The following ARHGAP26 variants were observed in gnomAD, a reference collection of about 807,000 sequenced individuals.
The protein encoded by ARHGAP26 is Rho GTPase activating protein 26, also known as rho GTPase-activating protein 26.
ARHGAP26 carries 38 observed loss-of-function variants against 104.8 expected under a neutral mutation model. That is an observed-to-expected ratio of 0.36 (90% confidence interval 0.28 to 0.48). ARHGAP26 has a LOEUF of 0.48. Among genes scored for constraint, ARHGAP26 ranks in the 20% least tolerant of loss-of-function variants. The pLI is 0.99. For synonymous variants in ARHGAP26, 341 were observed against 340.0 expected (o/e 1.00, Z -0.03); for missense variants, 704 against 947.9 (o/e 0.74, Z 3.38).
At chr5:142,869,633 T>G (rs1754976551) in intron 1 of ARHGAP26, among the ~76,000 whole-genome samples, 2 of 152,196 alleles carry the variant, frequency 1.3e-5, no homozygotes, top group Admixed American at 1.3e-4. Flanking sequence ...AGTCCATGTT[T>G]GTGTGTGCAC....
intron 6 of ARHGAP26, among the ~76,000 whole-genome samples, chr5:142,895,812 G>A (rs1759400332): frequency 1.3e-5 from 2 of 152,108 alleles, no homozygotes; most frequent in African/African-American, 4.8e-5. Flanking sequence ...GGGCAACATA[G>A]TGAGACTCCA....
intron 18 of ARHGAP26, among the ~76,000 whole-genome samples, chr5:143,131,235 A>T (rs1469235367): frequency 6.6e-6 from 1 of 152,208 alleles, no homozygotes; most frequent in Admixed American, 6.5e-5. Context: ...GTCTAAAGCC[A>T]TGGTCCTTCC....
intron 12 of ARHGAP26, among the ~76,000 whole-genome samples, chr5:143,024,664 A>G (rs148589516): frequency 4.7e-4 from 71 of 152,204 alleles, no homozygotes; most frequent in African/African-American, 1.6e-3. Flanking sequence ...GATATACGTT[A>G]TGTCATTTGA....
At chr5:143,163,210 G>A (rs538050189) in intron 20 of ARHGAP26, among the ~76,000 whole-genome samples, 2 of 152,180 alleles carry the variant, frequency 1.3e-5, no homozygotes, top group East Asian at 1.9e-4. Context: ...TCAGATCTAC[G>A]TATGTGGGGG....
intron 1 of ARHGAP26, among the ~76,000 whole-genome samples, chr5:142,813,498 TA>T (rs754235118): frequency 7.2e-5 from 11 of 152,204 alleles, no homozygotes; most frequent in Non-Finnish European, 1.2e-4. Flanking sequence ...ATTAATCTTC[TA>T]GGGCTACCAT....
Position 142,825,140 on chromosome 5 carries a change from A to T in ARHGAP26, c.155-48260A>T, listed in dbSNP as rs1026477699. On this transcript the variant is annotated intron_variant, in intron 1 of 22. Coordinates refer to ENST00000645722, the MANE Select transcript of ARHGAP26 (RefSeq NM_001135608.3). Reference sequence around the variant, plus strand: ...GTTCTCTTGCTGTGCGATCTTGGGCATAATAACAGTGCCTCCTTTACAGGA... The same window carrying T: ...GTTCTCTTGCTGTGCGATCTTGGGCTTAATAACAGTGCCTCCTTTACAGGA... 2.6e-5 allele frequency among the ~76,000 whole-genome samples: 4 copies of T among 152,360 alleles called. No individual in the cohort carries two copies. In the South Asian group the frequency reaches 8.3e-4, roughly 32 times the overall value.
chr5:142,898,630 C>G (rs912164601), intron 6 of ARHGAP26, among the ~76,000 whole-genome samples: 4 of 152,228 alleles, frequency 2.6e-5, no homozygotes, highest in Admixed American at 1.3e-4. Context: ...CTCTCTCTCT[C>G]TCTTTTGCCA....
chr5:143,174,069 A>T (rs1320058204), intron 20 of ARHGAP26, among the ~76,000 whole-genome samples: 1 of 152,228 alleles, frequency 6.6e-6, no homozygotes, highest in African/African-American at 2.4e-5. Flanking sequence ...TGTTGTTTAG[A>T]AATCAGTATT....
chr5:142,960,453 T>C (rs1770032665), intron 11 of ARHGAP26, among the ~76,000 whole-genome samples: 1 of 152,248 alleles, frequency 6.6e-6, no homozygotes, highest in Non-Finnish European at 1.5e-5. Flanking sequence ...CTGAGTAGCA[T>C]GATGAAATCG....
rs750299791 is a variant in ARHGAP26, at chr5:143,147,261, G to C, written c.1868G>C (p.Ser623Thr). The change falls in exon 20 of 23, where the codon AGT becomes ACT. Residue 623 changes from serine to threonine, a missense_variant. Physicochemically the swap from Ser to Thr is moderately conservative, Grantham distance 58 (BLOSUM62 1). Around this residue, in one of 6 missense-constraint regions of ARHGAP26, gnomAD observed 217 missense variants for 242.6 expected, o/e 0.89. Coordinates refer to ENST00000645722, the MANE Select transcript of ARHGAP26 (RefSeq NM_001135608.3). ...CAAAGGAACAGCATCATCAACTCCA[G>C]TTTGGAATCTGTCTCATCAAATCCA... is the stretch of plus-strand genomic sequence containing the variant. ...QEQRNSIINS[S>T]LESVSSNPNS... is the part of the protein sequence containing the mutation. The C allele has an allele frequency of 6.2e-7, 1 of 1,614,030 alleles. No homozygotes were observed. The highest frequency in any genetic ancestry group is 1.1e-5 in the South Asian group (1 of 91,072).
intron 11 of ARHGAP26, among the ~76,000 whole-genome samples, chr5:142,987,225 G>A (rs1380358130): frequency 2.0e-5 from 3 of 152,110 alleles, no homozygotes; most frequent in African/African-American, 7.2e-5. Context: ...CTTGTAAGTT[G>A]GATTCCTAGG....
Position 143,063,420 on chromosome 5 carries a change from A to G in ARHGAP26, c.1538+5673A>G, listed in dbSNP as rs958058093. Among the ~76,000 whole-genome samples the G allele has an allele frequency of 3.9e-5, 6 of 152,252 alleles. No homozygotes were observed. In the South Asian group the frequency reaches 1.2e-3, roughly 32 times the overall value. ...AACTTTGAAAACTGCAAATCTCAGCATGTGATTCCCCTGCTTAAAAAAACT... is the reference window on the plus strand; with the variant it reads ...AACTTTGAAAACTGCAAATCTCAGCGTGTGATTCCCCTGCTTAAAAAAACT... On this transcript the variant is annotated intron_variant, in intron 17 of 22. Transcript: ENST00000645722.
chr5:143,131,668 A>G (rs763014185), intron 18 of ARHGAP26, among the ~76,000 whole-genome samples: 48 of 151,792 alleles, frequency 3.2e-4, no homozygotes, highest in Non-Finnish European at 6.3e-4. Flanking sequence ...CTGGGACTTC[A>G]CTCCTGGTCA....
At chr5:143,034,751 A>C (rs985224598) in intron 12 of ARHGAP26, among the ~76,000 whole-genome samples, 2 of 152,162 alleles carry the variant, frequency 1.3e-5, no homozygotes, top group Non-Finnish European at 2.9e-5. Context: ...TATACCAAGA[A>C]AGCTGTTATT....
intron 20 of ARHGAP26, chr5:143,170,052 A>C (rs534172495): frequency 1.3e-5 from 2 of 152,352 alleles, no homozygotes; most frequent in African/African-American, 4.8e-5. Flanking sequence ...TTCATTTAAA[A>C]AACAAATTTC....
intron 1 of ARHGAP26, among the ~76,000 whole-genome samples, chr5:142,773,212 T>C (rs1465871318): frequency 6.6e-6 from 1 of 152,222 alleles, no homozygotes; most frequent in Non-Finnish European, 1.5e-5. Flanking sequence ...TTCAGTCATG[T>C]TTATTATATC....
chr5:143,064,474 C>T (rs990030387), intron 17 of ARHGAP26, among the ~76,000 whole-genome samples: 4 of 151,012 alleles, frequency 2.6e-5, no homozygotes, highest in Admixed American at 1.3e-4. Context: ...TGAGTGATAC[C>T]GCTTCCTGGC....
At chr5:143,094,797 A>G (rs1792058936) in intron 17 of ARHGAP26, among the ~76,000 whole-genome samples, 1 of 152,088 alleles carries the variant, frequency 6.6e-6, no homozygotes, top group Non-Finnish European at 1.5e-5. Context: ...TGGGGGGAAA[A>G]TGGCTATGAC....
At chr5:142,892,925 C>CA in intron 5 of ARHGAP26, among the ~76,000 whole-genome samples, 1 of 151,924 alleles carries the variant, frequency 6.6e-6, no homozygotes, top group Non-Finnish European at 1.5e-5. Context: ...CCTTGTATCT[C>CA]ACTGTATTTT....
Sources: gnomAD v4.1 joint callset for allele counts (sites outside exome capture counted in the v4.1 genomes callset) on GRCh38, gnomAD v4.1.1 for gene constraint, gnomAD v4.1.1 regional missense constraint, MANE v1.5 for transcripts, NCBI Gene and HGNC (gene_info 2026-07-23, HGNC 2026-07-21) for gene names.